The following LRRC9 variants were observed in gnomAD, a reference collection of about 807,000 sequenced individuals.
LRRC9 encodes leucine rich repeat containing 9.
LRRC9 carries 122 observed loss-of-function variants against 63.2 expected under a neutral mutation model. The ratio of observed to expected loss-of-function variants is 1.93; its 90% CI spans 1.67 to 2.24. The LOEUF (loss-of-function observed/expected upper bound fraction) is 2.24, where lower values mean the gene tolerates loss of function less well. Among genes scored for constraint, LRRC9 ranks in the 30% most tolerant of loss-of-function variants. The pLI, the probability that LRRC9 is intolerant of heterozygous loss-of-function variation, is 0.00. For missense variants in LRRC9, 1,071 were observed against 627.7 expected (o/e 1.71, Z -7.55); for synonymous variants, 366 against 213.1 (o/e 1.72, Z -6.25).
At position 60,003,803 on chromosome 14, in the gene LRRC9, G is replaced by C. The variant is rs950303003; in HGVS notation, c.2842+5G>C. The C allele has an allele frequency of 1.0e-5, 6 of 577,696 alleles. No individual in the cohort carries two copies. Among genetic ancestry groups the C allele is most frequent in the Admixed American group, 6.7e-5 (2 of 29,856 alleles). 35.8% of individuals were successfully genotyped at this position (577,696 alleles called of 1,614,324 possible). A position where few individuals can be genotyped will look rare whatever the true frequency, so the allele number is the denominator to read the frequency against. The stretch of plus-strand genomic sequence containing the variant: ...ACTGCATCTCAAAGATAGAAGGTAA[G>C]GTACTTAAGAACTTTGAAGTCTCAA... On this transcript the variant is annotated splice_donor_5th_base_variant and intron_variant, in intron 21 of 31. Coordinates refer to ENST00000445360, the Ensembl canonical transcript of LRRC9. The surrounding 1 kb of genome is among the most constrained non-coding windows in gnomAD (Gnocchi z 4.2).
intron 17 of LRRC9, among the ~76,000 whole-genome samples, chr14:59,993,904 C>A (rs925503663): frequency 4.7e-4 from 71 of 152,108 alleles, no homozygotes; most frequent in Non-Finnish European, 8.8e-4. Flanking sequence ...GACAGATCAA[C>A]AAGACAGAAA....
intron 23 of LRRC9, among the ~76,000 whole-genome samples, chr14:60,008,562 C>A (rs905410147): frequency 1.1e-4 from 17 of 152,226 alleles, no homozygotes; most frequent in African/African-American, 3.9e-4. Flanking sequence ...TTTCTATTTT[C>A]AGTGCAAATA....
At position 59,944,577 on chromosome 14, in the gene LRRC9, TCTTA is replaced by T. The variant is rs1882138602; in HGVS notation, c.727-8_727-5del. The T allele has an allele frequency of 3.6e-6, 2 of 549,226 alleles. No individual in the cohort carries two copies. The highest frequency in any genetic ancestry group is 2.0e-5 in the African/African-American group (1 of 51,206). The allele number at this position is 549,226 out of a possible 1,614,324, so 34.0% of individuals were successfully genotyped here. On this transcript the variant is annotated splice_region_variant and splice_polypyrimidine_tract_variant and intron_variant, in intron 7 of 31. Transcript: ENST00000445360. ...TTAGCTAATTTTTTGTTGTTTTCTT[TCTTA>T]CTTTTAGACCACAGCAATGAAAAAA... is the stretch of plus-strand genomic sequence containing the variant.
chr14:59,919,760 T>A lies in LRRC9; in HGVS notation c.-157T>A, dbSNP rs1329179252. On this transcript the variant is annotated 5_prime_UTR_variant, in exon 1 of 32. Coordinates refer to ENST00000445360, the Ensembl canonical transcript of LRRC9. This position sits in a 1 kb window ranked among gnomAD's most constrained non-coding sequence, Gnocchi z 4.5. ...GCTCAAGGCCAGAGAGGCTCCGCGC[T>A]TCCAGGACCCGAGAGCTAAAGATAA... is the stretch of plus-strand genomic sequence containing the variant. The A allele has an allele frequency of 1.3e-5, 2 of 152,410 alleles. No individual in the cohort carries two copies. The highest frequency in any genetic ancestry group is 2.9e-5 in the Non-Finnish European group (2 of 68,196). 9.4% of individuals were successfully genotyped at this position (152,410 alleles called of 1,614,324 possible). A position where few individuals can be genotyped will look rare whatever the true frequency, so the allele number is the denominator to read the frequency against.
Position 60,060,466 on chromosome 14 carries a change from C to T in LRRC9, c.4276+2444C>T, listed in dbSNP as rs1231667920. ...CCATAGACAGTGATTCCTAACCGGG[C>T]GCGATGGCTCACGCTTGTAATCCCA... On this transcript the variant is annotated intron_variant, in intron 31 of 31. Transcript: ENST00000445360. The surrounding 1 kb of genome is among the most constrained non-coding windows in gnomAD (Gnocchi z 4.0). 6.6e-6 allele frequency among the ~76,000 whole-genome samples: 1 copy of T among 152,048 alleles called. No homozygotes were observed. The highest frequency in any genetic ancestry group is 1.5e-5 in the Non-Finnish European group (1 of 67,988).
chr14:59,939,726 T>C (rs1881554758), intron 7 of LRRC9, among the ~76,000 whole-genome samples: 1 of 151,990 alleles, frequency 6.6e-6, no homozygotes, highest in South Asian at 2.1e-4. Context: ...TAAGTTGCTA[T>C]TTGACGACAT....
chr14:59,938,834 TG>T lies in LRRC9; in HGVS notation c.726+263del, dbSNP rs967776271. 1.6e-4 allele frequency among the ~76,000 whole-genome samples: 22 copies of T among 136,116 alleles called. No individual in the cohort carries two copies. Among genetic ancestry groups the T allele is most frequent in the African/African-American group, 5.9e-4 (21 of 35,416 alleles). 89.3% of individuals were successfully genotyped at this position (136,116 alleles called of 152,430 possible). A position where few individuals can be genotyped will look rare whatever the true frequency, so the allele number is the denominator to read the frequency against. Reference sequence around the variant, plus strand: ...AATCTATACAAAACAAGAAGGAAATTGAAAAAAAATCAGTGTTAAAAATAGA... The same window carrying T: ...AATCTATACAAAACAAGAAGGAAATTAAAAAAAATCAGTGTTAAAAATAGA... On this transcript the variant is annotated intron_variant, in intron 7 of 31. Transcript: ENST00000445360. The surrounding 1 kb of genome is among the most constrained non-coding windows in gnomAD (Gnocchi z 4.2).
intron 23 of LRRC9, among the ~76,000 whole-genome samples, chr14:60,010,413 C>A (rs943476682): frequency 6.6e-6 from 1 of 151,952 alleles, no homozygotes; most frequent in African/African-American, 2.4e-5. Flanking sequence ...CACAGGGTAC[C>A]AAGTCCCTAG....
chr14:60,038,694 C>T (rs1203367306), intron 29 of LRRC9, among the ~76,000 whole-genome samples: 1 of 152,192 alleles, frequency 6.6e-6, no homozygotes, highest in African/African-American at 2.4e-5. Flanking sequence ...TCCAAATATA[C>T]AATCATGTCA....
rs188900306 is a variant in LRRC9, at chr14:59,979,640, C to T, written c.1878+1508C>T. Reference sequence around the variant, plus strand: ...AAAAAATAAAGAAAGAAAAGAAAAACTCATCATTTTGTTCATGTCCTTTGT... The same window carrying T: ...AAAAAATAAAGAAAGAAAAGAAAAATTCATCATTTTGTTCATGTCCTTTGT... On this transcript the variant is annotated intron_variant, in intron 15 of 31. Coordinates refer to ENST00000445360, the Ensembl canonical transcript of LRRC9. 5.1e-3 allele frequency among the ~76,000 whole-genome samples: 773 copies of T among 152,116 alleles called. 12 individuals are homozygous for T. The highest frequency in any genetic ancestry group is 0.018 in the African/African-American group (729 of 41,524).
downstream of LRRC9, among the ~76,000 whole-genome samples, chr14:60,066,644 T>C (rs1894889025): frequency 6.6e-6 from 1 of 152,206 alleles, no homozygotes; most frequent in Admixed American, 6.5e-5. Flanking sequence ...AAACCTACGC[T>C]GAACTGCAAT....
At chr14:59,933,469 T>C (rs924452457) in intron 6 of LRRC9, among the ~76,000 whole-genome samples, 1 of 152,212 alleles carries the variant, frequency 6.6e-6, no homozygotes, top group Non-Finnish European at 1.5e-5. Context: ...AGGTGGCATT[T>C]ATAATTTTGC....
intron 7 of LRRC9, among the ~76,000 whole-genome samples, chr14:59,939,971 AC>A (rs1455120317): frequency 6.6e-6 from 1 of 152,030 alleles, no homozygotes; most frequent in Admixed American, 6.6e-5. Context: ...TGGATGAGTC[AC>A]CGAGGGAATG....
At chr14:59,995,507 G>C (rs993513625) in intron 17 of LRRC9, among the ~76,000 whole-genome samples, 2 of 152,194 alleles carry the variant, frequency 1.3e-5, no homozygotes, top group Admixed American at 1.3e-4. Context: ...GAAAATTTAA[G>C]AGGTGTTTTG....
intron 12 of LRRC9, among the ~76,000 whole-genome samples, chr14:59,971,141 G>T (rs547663749): frequency 6.6e-6 from 1 of 152,218 alleles, no homozygotes; most frequent in Non-Finnish European, 1.5e-5. Context: ...TCAATCTTCT[G>T]CATATGGCTA....
At chr14:59,944,539 C>A in intron 7 of LRRC9, 50 bp from the exon 8 acceptor site, 1 of 528,122 alleles carries the variant, frequency 1.9e-6, no homozygotes, top group Non-Finnish European at 3.3e-6. Flanking sequence ...CTAACAATTG[C>A]CTATAATTTG....
intron 1 of LRRC9, among the ~76,000 whole-genome samples, chr14:59,925,266 TA>T (rs1291465575): frequency 1.3e-5 from 2 of 152,168 alleles, no homozygotes; most frequent in East Asian, 3.9e-4. Context: ...ATGGGCAATT[TA>T]AAAACAACAG....
In LRRC9 at chr14:59,942,336, T is replaced by A. The variant is rs141689901; in HGVS notation, c.727-2253T>A. Among the ~76,000 whole-genome samples the A allele has an allele frequency of 6.5e-3, 996 of 152,318 alleles. 10 individuals carry two copies. Among genetic ancestry groups the A allele is most frequent in the African/African-American group, 0.023 (950 of 41,568 alleles). ...GCAGGTATCCCTTTGATACACTGATTTCCTTTGTTTTGGATAAATACCCAG... is the reference window on the plus strand; with the variant it reads ...GCAGGTATCCCTTTGATACACTGATATCCTTTGTTTTGGATAAATACCCAG... On this transcript the variant is annotated intron_variant, in intron 7 of 31. Transcript: ENST00000445360. This position sits in a 1 kb window ranked among gnomAD's most constrained non-coding sequence, Gnocchi z 5.3.
chr14:60,006,699 C>T, intron 22 of LRRC9, 82 bp downstream of exon 22: 1 of 523,260 alleles, frequency 1.9e-6, no homozygotes. Flanking sequence ...GTTTATTGCA[C>T]AGAATTTGGA....
Sources: allele counts gnomAD v4.1 joint callset (sites outside exome capture counted in the v4.1 genomes callset), GRCh38; gene constraint gnomAD v4.1.1; non-coding constraint Gnocchi (gnomAD v3.1); transcripts MANE v1.5; gene names NCBI Gene and HGNC (gene_info 2026-07-23, HGNC 2026-07-21).